ACSL5: variants seen among roughly 807,000 people sequenced by gnomAD.
ACSL5 encodes the protein long-chain-fatty-acid--CoA ligase 5.
Under a neutral mutation model 84.9 loss-of-function variants are expected in ACSL5, and 50 were observed. That is an observed-to-expected ratio of 0.59 (90% CI 0.47 to 0.75). ACSL5 has a LOEUF of 0.75. Among genes scored for constraint, ACSL5 ranks in the 30% least tolerant of loss-of-function variants. ACSL5 has a pLI of 0.00. For synonymous variants in ACSL5, 280 were observed against 300.7 expected (o/e 0.93, Z 0.71); for missense variants, 775 against 830.4 (o/e 0.93, Z 0.82).
intron 1 of ACSL5, among the ~76,000 whole-genome samples, chr10:112,389,303 T>C (rs994703287): frequency 2.0e-5 from 3 of 152,136 alleles, no homozygotes; most frequent in Non-Finnish European, 4.4e-5. Context: ...TGAGTGACTG[T>C]GGCTCCAGTC....
intron 3 of ACSL5, among the ~76,000 whole-genome samples, chr10:112,401,684 C>T (rs1400932727): frequency 2.0e-5 from 3 of 152,232 alleles, no homozygotes; most frequent in African/African-American, 4.8e-5. Flanking sequence ...TCCTTAGACA[C>T]CAGCCTCTGC....
intron 1 of ACSL5, among the ~76,000 whole-genome samples, chr10:112,374,696 T>A (rs574038805): frequency 6.6e-6 from 1 of 152,190 alleles, no homozygotes; most frequent in African/African-American, 2.4e-5. Flanking sequence ...GATTAGGTGC[T>A]GGGGACTGTT....
chr10:112,411,619 CACACACAT>C, intron 10 of ACSL5, 90 bp downstream of exon 10: 3 of 1,046,452 alleles, frequency 2.9e-6, no homozygotes, highest in Non-Finnish European at 4.3e-6. Flanking sequence ...CAGACACACA[CACACACAT>C]ACACACACAC....
chr10:112,421,849 C>T, intron 15 of ACSL5, 98 bp from the exon 16 acceptor site: 3 of 1,410,210 alleles, frequency 2.1e-6, no homozygotes, highest in South Asian at 2.4e-5. Context: ...ATTTTTCAGT[C>T]TTCCTCTTCT....
intron 1 of ACSL5, among the ~76,000 whole-genome samples, chr10:112,380,701 C>T (rs1409778934): frequency 6.6e-6 from 1 of 152,168 alleles, no homozygotes; most frequent in African/African-American, 2.4e-5. Flanking sequence ...GTGGCAGGCC[C>T]ACTGGTTGGA....
chr10:112,389,003 A>G (rs1230571854), intron 1 of ACSL5, among the ~76,000 whole-genome samples: 6 of 152,242 alleles, frequency 3.9e-5, no homozygotes, highest in Non-Finnish European at 8.8e-5. Context: ...ATCAAAAGAA[A>G]ATGATTTTTA....
Position 112,421,979 on chromosome 10 carries a change from G to C in ACSL5, c.1420G>C (p.Val474Leu). The change falls in exon 16 of 21, where the codon GTG becomes CTG. Residue 474 changes from valine (V) to leucine (L), a missense_variant. Coordinates refer to ENST00000354655, the MANE Select transcript of ACSL5 (RefSeq NM_203379.2). Reference sequence around the variant, plus strand: ...TGGGGTGCCCCTGGCTTGCAATTACGTGAAGCTGGAAGATGTGGCTGACAT... The same window carrying C: ...TGGGGTGCCCCTGGCTTGCAATTACCTGAAGCTGGAAGATGTGGCTGACAT... ...HVGVPLACNY[V>L]KLEDVADMNY... The C allele has an allele frequency of 1.2e-6, 2 of 1,614,182 alleles. No homozygotes were observed. The highest frequency in any genetic ancestry group is 1.7e-6 in the Non-Finnish European group (2 of 1,180,048).
chr10:112,421,219 CG>C (rs1337757425), intron 14 of ACSL5, among the ~76,000 whole-genome samples: 1 of 152,134 alleles, frequency 6.6e-6, no homozygotes, highest in East Asian at 1.9e-4. Context: ...AGTACAATGG[CG>C]TGATTTCAGC....
intron 11 of ACSL5, chr10:112,412,208 C>T: frequency 2.0e-6 from 1 of 507,194 alleles, no homozygotes; most frequent in East Asian, 3.1e-5. Flanking sequence ...TTGCTCCTGC[C>T]TTCATGGGGG....
At chr10:112,375,850 C>T (rs780774916) in intron 1 of ACSL5, among the ~76,000 whole-genome samples, 13 of 152,132 alleles carry the variant, frequency 8.5e-5, no homozygotes, top group East Asian at 1.9e-4. Context: ...GCAGCTCTGG[C>T]GACTGGAGAG....
At position 112,412,228 on chromosome 10, in the gene ACSL5, C is replaced by G. The variant is rs886199102; in HGVS notation, c.948+249C>G. Reference sequence around the variant, plus strand: ...CCTGCCTTCATGGGGGTGTGTGAGTCTAGTGACATCACAGCTAGGAGCTTA... The same window carrying G: ...CCTGCCTTCATGGGGGTGTGTGAGTGTAGTGACATCACAGCTAGGAGCTTA... On this transcript the variant is annotated intron_variant, in intron 11 of 20. Coordinates refer to ENST00000354655, the MANE Select transcript of ACSL5 (RefSeq NM_203379.2). 7.9e-5 allele frequency: 36 copies of G among 457,274 alleles called. No individual in the cohort carries two copies. In the Admixed American group the frequency reaches 1.0e-3, roughly 13 times the overall value. The allele number at this position is 457,274 out of a possible 1,614,324, so 28.3% of individuals were successfully genotyped here. A position where few individuals can be genotyped will look rare whatever the true frequency, so the allele number is the denominator to read the frequency against.
chr10:112,410,244 T>C (rs1844146363), intron 7 of ACSL5: 2 of 1,525,234 alleles, frequency 1.3e-6, no homozygotes, highest in Non-Finnish European at 1.8e-6. Flanking sequence ...GAACATGCAA[T>C]CTACCCTCTA....
intron 1 of ACSL5, among the ~76,000 whole-genome samples, chr10:112,377,734 G>A (rs1284190303): frequency 6.6e-6 from 1 of 152,046 alleles, no homozygotes; most frequent in Non-Finnish European, 1.5e-5. Context: ...AAATTTTATA[G>A]CCATCTTTTG....
intron 19 of ACSL5, 91 bp from the exon 20 acceptor site, chr10:112,426,697 A>G: frequency 9.0e-7 from 1 of 1,116,094 alleles, no homozygotes; most frequent in Non-Finnish European, 1.4e-6. Context: ...TTCATACTGC[A>G]TGGCTTTGAC....
chr10:112,383,586 C>T (rs767361379), intron 1 of ACSL5, among the ~76,000 whole-genome samples: 2 of 152,228 alleles, frequency 1.3e-5, no homozygotes, highest in Non-Finnish European at 2.9e-5. Context: ...AGCTGCTGTC[C>T]AGCTGGATTA....
intron 3 of ACSL5, 38 bp downstream of exon 3, chr10:112,399,047 G>C (rs1843815010): frequency 3.9e-6 from 6 of 1,544,466 alleles, no homozygotes; most frequent in Non-Finnish European, 5.4e-6. Flanking sequence ...AAGAAGACAA[G>C]GTGAGGTCTG....
At chr10:112,395,914 G>C (rs1038496946) in intron 2 of ACSL5, 1 of 152,194 alleles carries the variant, frequency 6.6e-6, no homozygotes, top group Non-Finnish European at 1.5e-5. Context: ...CCCACCTGTG[G>C]GTACATCTGC....
At chr10:112,389,791 C>T (rs985872323) in intron 1 of ACSL5, among the ~76,000 whole-genome samples, 8 of 152,186 alleles carry the variant, frequency 5.3e-5, no homozygotes, top group Non-Finnish European at 8.8e-5. Context: ...CTACTCCTGT[C>T]GTGGTTTGAC....
rs1844743896 is a variant in ACSL5 at position 112,426,875 on chromosome 10, GAT to G, written c.1911+17_1911+18del. 6.3e-7 allele frequency: 1 copy of G among 1,578,748 alleles called. No homozygotes were observed. Among genetic ancestry groups the G allele is most frequent in the South Asian group, 1.1e-5 (1 of 90,148 alleles). On this transcript the variant is annotated intron_variant, in intron 20 of 20. Transcript: ENST00000354655. ...TTTTGAACAGGTGTGTGCTACCACT[GAT>G]GTTATACTGGCCTCTTGTCAGAAAG...
Sources: gnomAD v4.1 joint callset for allele counts (sites outside exome capture counted in the v4.1 genomes callset) on GRCh38, gnomAD v4.1.1 for gene constraint, MANE v1.5 for transcripts, NCBI Gene and HGNC (gene_info 2026-07-23, HGNC 2026-07-21) for gene names.